ARIH1: variants seen among roughly 807,000 people sequenced by gnomAD.
ARIH1 encodes the protein ariadne RBR E3 ubiquitin protein ligase 1, also known as E3 ubiquitin-protein ligase ARIH1.
In ARIH1, 8 loss-of-function variants were observed where a neutral mutation model predicts 85.0. The ratio of observed to expected loss-of-function variants is 0.09; its 90% CI spans 0.06 to 0.17. The LOEUF is 0.17. Among genes scored for constraint, ARIH1 ranks in the 10% least tolerant of loss-of-function variants. ARIH1 has a pLI of 1.00. For synonymous variants in ARIH1, 238 were observed against 253.6 expected, an observed-to-expected ratio of 0.94 and a Z score of 0.59; for missense variants, 311 against 718.1, an observed-to-expected ratio of 0.43 and a Z score of 6.48.
At chr15:72,547,395 G>C (rs1457398247) in intron 3 of ARIH1, among the ~76,000 whole-genome samples, 1 of 150,668 alleles carries the variant, frequency 6.6e-6, no homozygotes, top group Non-Finnish European at 1.5e-5. Flanking sequence ...ACCACACCCG[G>C]CTAATTTTTG....
chr15:72,525,720 C>T (rs1482889017), intron 2 of ARIH1, among the ~76,000 whole-genome samples: 4 of 152,104 alleles, frequency 2.6e-5, no homozygotes, highest in African/African-American at 9.7e-5. Context: ...CTTCTTCCTT[C>T]AGTTCTCTTG....
At chr15:72,483,727 C>G (rs183682918) in intron 1 of ARIH1, among the ~76,000 whole-genome samples, 1 of 151,702 alleles carries the variant, frequency 6.6e-6, no homozygotes, top group African/African-American at 2.4e-5. Flanking sequence ...TCCTAATAAC[C>G]TTTCAGTGGC....
chr15:72,484,771 A>G (rs1169857529), intron 1 of ARIH1, among the ~76,000 whole-genome samples: 2 of 75,746 alleles, frequency 2.6e-5, no homozygotes. Context: ...ATATATGTGT[A>G]TATATATACA....
At position 72,520,120 on chromosome 15, in the gene ARIH1, T is replaced by TA. The variant is rs1476194451; in HGVS notation, c.443+1993dup. 1.1e-4 allele frequency among the ~76,000 whole-genome samples: 17 copies of TA among 152,238 alleles called. No homozygotes were observed. The East Asian group carries it at 2.9e-3, about 26-fold the overall frequency. ...GTTTTTCTGGGAACCTTAAACTGTC[T>TA]AAAAAAATAGGTGGTAAGTGTGAAT... On this transcript the variant is annotated intron_variant, in intron 2 of 13. Coordinates refer to ENST00000379887, the MANE Select transcript of ARIH1 (RefSeq NM_005744.5).
intron 1 of ARIH1, among the ~76,000 whole-genome samples, chr15:72,507,044 A>G (rs563021205): frequency 2.6e-5 from 4 of 151,988 alleles, no homozygotes; most frequent in Admixed American, 6.6e-5. Flanking sequence ...ATTTTTTGAA[A>G]CGCAGTCGTG....
intron 5 of ARIH1, among the ~76,000 whole-genome samples, chr15:72,560,656 C>G (rs1230936835): frequency 2.6e-5 from 4 of 152,076 alleles, no homozygotes; most frequent in African/African-American, 9.7e-5. Context: ...TGAGGAAATA[C>G]AAGAATACGA....
chr15:72,552,583 C>T (rs1371362881), intron 3 of ARIH1, among the ~76,000 whole-genome samples: 4 of 152,110 alleles, frequency 2.6e-5, no homozygotes, highest in Non-Finnish European at 4.4e-5. Context: ...AGCCACCGTG[C>T]CCAGCCCTAT....
intron 1 of ARIH1, among the ~76,000 whole-genome samples, chr15:72,496,201 G>A (rs1033375434): frequency 1.3e-5 from 2 of 152,112 alleles, no homozygotes; most frequent in African/African-American, 4.8e-5. Context: ...ACTGTGCCTG[G>A]CCATAGTTTT....
intron 6 of ARIH1, among the ~76,000 whole-genome samples, chr15:72,562,975 C>T (rs894337004): frequency 6.6e-6 from 1 of 151,560 alleles, no homozygotes; most frequent in Non-Finnish European, 1.5e-5. Flanking sequence ...TGTAATTATC[C>T]CCCATTTGCC....
At chr15:72,494,062 A>G (rs1021729075) in intron 1 of ARIH1, among the ~76,000 whole-genome samples, 8 of 152,090 alleles carry the variant, frequency 5.3e-5, no homozygotes, top group Admixed American at 6.6e-5. Context: ...CCTGATTTTT[A>G]TATTTCTTAT....
rs934579760 is a variant in ARIH1, at chr15:72,602,985, G to A, written c.*19693G>A. On this transcript the variant is annotated 3_prime_UTR_variant, in exon 14 of 14. Transcript: ENST00000379887. ...TTTCCAGAAATATATCAGATAAAAT[G>A]AACATGTGGTCCCTTTTGTTGATTT... The A allele has an allele frequency of 2.0e-4, 30 of 152,270 alleles. No individual in the cohort carries two copies. Among genetic ancestry groups the A allele is most frequent in the Non-Finnish European group, 7.4e-5 (5 of 68,014 alleles). The allele number at this position is 152,270 out of a possible 1,614,324, so 9.4% of individuals were successfully genotyped here. A position where few individuals can be genotyped will look rare whatever the true frequency, so the allele number is the denominator to read the frequency against.
chr15:72,488,135 A>G (rs764492085), intron 1 of ARIH1, among the ~76,000 whole-genome samples: 19 of 152,166 alleles, frequency 1.2e-4, no homozygotes, highest in Non-Finnish European at 2.2e-4. Context: ...TCCTGGGCTC[A>G]AGCGATCCTC....
chr15:72,563,748 A>C (rs950050513), intron 7 of ARIH1, among the ~76,000 whole-genome samples: 1 of 152,138 alleles, frequency 6.6e-6, no homozygotes, highest in Admixed American at 6.5e-5. Flanking sequence ...TACAACTCTA[A>C]TCATATCTTC....
chr15:72,518,507 C>T (rs1156344663), intron 2 of ARIH1, among the ~76,000 whole-genome samples: 2 of 152,040 alleles, frequency 1.3e-5, no homozygotes, highest in African/African-American at 4.8e-5. Context: ...ATTTCTTGCT[C>T]ATCCGGGCAT....
chr15:72,499,026 G>T (rs557902486), intron 1 of ARIH1, among the ~76,000 whole-genome samples: 17 of 122,558 alleles, frequency 1.4e-4, no homozygotes, highest in Non-Finnish European at 2.5e-4. Flanking sequence ...TGTCACCCAG[G>T]CTGGAGTGCA....
intron 11 of ARIH1, among the ~76,000 whole-genome samples, chr15:72,579,239 G>T (rs2064285646): frequency 6.6e-6 from 1 of 151,814 alleles, no homozygotes; most frequent in Non-Finnish European, 1.5e-5. Flanking sequence ...AGATCGTGTT[G>T]TCCTGTAGAG....
intron 3 of ARIH1, among the ~76,000 whole-genome samples, chr15:72,550,360 G>A (rs2064148314): frequency 6.6e-6 from 1 of 152,168 alleles, no homozygotes; most frequent in South Asian, 2.1e-4. Context: ...TAACCATTGT[G>A]ACCGTTGATC....
At chr15:72,580,691 G>C in intron 11 of ARIH1, 40 bp from the exon 12 acceptor site, 1 of 1,567,310 alleles carries the variant, frequency 6.4e-7, no homozygotes, top group East Asian at 2.2e-5. Context: ...TACAGTTTAT[G>C]TGTTATAATT....
intron 11 of ARIH1, among the ~76,000 whole-genome samples, chr15:72,574,894 A>ACCCCCCCCCCC (rs201163446): frequency 1.9e-5 from 2 of 107,858 alleles, no homozygotes; most frequent in African/African-American, 3.0e-5. Flanking sequence ...ACATAGTAAG[A>ACCCCCCCCCCC]CCCCCCCGCC....
Sources: gnomAD v4.1 joint callset for allele counts (sites outside exome capture counted in the v4.1 genomes callset) on GRCh38, gnomAD v4.1.1 for gene constraint, MANE v1.5 for transcripts, NCBI Gene and HGNC (gene_info 2026-07-23, HGNC 2026-07-21) for gene names.